The following CAMKMT variants were observed in gnomAD, a reference collection of about 807,000 sequenced individuals.
CAMKMT encodes CaM KMT.
Under a neutral mutation model 48.0 loss-of-function variants are expected in CAMKMT, and 53 were observed. That is an observed-to-expected ratio of 1.10 (90% CI 0.89 to 1.39). CAMKMT has a LOEUF of 1.39. CAMKMT is among the 40% of genes most tolerant of loss of function. The pLI is 0.00. For synonymous variants in CAMKMT, 165 were observed against 152.3 expected (o/e 1.08, Z -0.61); for missense variants, 428 against 402.7 (o/e 1.06, Z -0.54).
intron 3 of CAMKMT, among the ~76,000 whole-genome samples, chr2:44,644,310 C>T (rs575010678): frequency 8.3e-4 from 127 of 152,240 alleles, no homozygotes; most frequent in Non-Finnish European, 1.5e-3. Flanking sequence ...ACATTTTATG[C>T]CATGCTTGGA....
chr2:44,464,290 G>A (rs1475088503), intron 3 of CAMKMT, among the ~76,000 whole-genome samples: 1 of 152,156 alleles, frequency 6.6e-6, no homozygotes, highest in Non-Finnish European at 1.5e-5. Flanking sequence ...TTGAGTCAGA[G>A]TAACAACAGC....
chr2:44,535,199 A>G (rs1212230349), intron 3 of CAMKMT, among the ~76,000 whole-genome samples: 2 of 152,190 alleles, frequency 1.3e-5, no homozygotes, highest in Admixed American at 1.3e-4. Context: ...AATCAGGAAG[A>G]AATAGAAAAC....
chr2:44,596,132 TAA>T (rs766302518), intron 3 of CAMKMT, among the ~76,000 whole-genome samples: 1 of 141,116 alleles, frequency 7.1e-6, no homozygotes, highest in African/African-American at 2.6e-5. Context: ...ACTTATAATT[TAA>T]AAAAAAAAAA....
intron 3 of CAMKMT, among the ~76,000 whole-genome samples, chr2:44,404,436 G>A (rs1191729032): frequency 6.6e-6 from 1 of 151,848 alleles, no homozygotes; most frequent in Non-Finnish European, 1.5e-5. Flanking sequence ...ACATATTGGC[G>A]ATATTTTCCC....
chr2:44,669,656 C>G (rs888709175), intron 3 of CAMKMT, among the ~76,000 whole-genome samples: 2 of 151,238 alleles, frequency 1.3e-5, no homozygotes, highest in African/African-American at 4.9e-5. Context: ...TCTTTTTCTT[C>G]AGACAGGGTC....
intron 3 of CAMKMT, among the ~76,000 whole-genome samples, chr2:44,497,958 G>A (rs1669835723): frequency 6.6e-6 from 1 of 152,102 alleles, no homozygotes; most frequent in African/African-American, 2.4e-5. Context: ...GAATGTTGTG[G>A]TAGAGTAAGA....
intron 3 of CAMKMT, among the ~76,000 whole-genome samples, chr2:44,649,349 C>G (rs1466789047): frequency 6.6e-6 from 1 of 152,058 alleles, no homozygotes; most frequent in East Asian, 1.9e-4. Context: ...GATGAAAAAA[C>G]AGGGACTCTG....
chr2:44,659,552 A>G (rs998183583), intron 3 of CAMKMT, among the ~76,000 whole-genome samples: 21 of 147,188 alleles, frequency 1.4e-4, no homozygotes, highest in Non-Finnish European at 3.0e-5. Context: ...CAACATAGGG[A>G]AACCCCATCT....
At chr2:44,537,448 C>T (rs1023542639) in intron 3 of CAMKMT, among the ~76,000 whole-genome samples, 3 of 152,072 alleles carry the variant, frequency 2.0e-5, no homozygotes, top group Admixed American at 2.0e-4. Flanking sequence ...CAGGGAAATG[C>T]AAATGAAAAC....
At chr2:44,636,127 T>G (rs921687707) in intron 3 of CAMKMT, among the ~76,000 whole-genome samples, 17 of 152,236 alleles carry the variant, frequency 1.1e-4, no homozygotes, top group Non-Finnish European at 2.2e-4. Context: ...AATTACTTTT[T>G]GATTCATCCA....
chr2:44,772,315 G>T lies in CAMKMT; in HGVS notation c.*202G>T, dbSNP rs1424263348. 40 of 511,440 alleles carry T rather than the reference G, an allele frequency of 7.8e-5. No homozygotes were observed. In the East Asian group the frequency reaches 1.2e-3, roughly 16 times the overall value. The allele number at this position is 511,440 out of a possible 1,614,324, so 31.7% of individuals were successfully genotyped here. On this transcript the variant is annotated 3_prime_UTR_variant, in exon 11 of 11. Transcript: ENST00000378494. ...CCCTCCCCGCCTCTTTTTACACTCT[G>T]CTTGTTGCTCGTCCTGCCCTAAACC...
rs201729944 is a variant in CAMKMT, at chr2:44,400,928, GTGTATATATATA to G, written c.376+10625_376+10636del. The G allele has an allele frequency of 1.6e-3, 116 of 74,116 alleles. 1 individual carries two copies. Among genetic ancestry groups the G allele is most frequent in the African/African-American group, 4.5e-3 (72 of 15,888 alleles). The allele number at this position is 74,116 out of a possible 1,614,324, so 4.6% of individuals were successfully genotyped here. ...TGTATGTGCATGTATACTTATGTGT[GTGTATATATATA>G]TATATATATATATATATATATGTAT... On this transcript the variant is annotated intron_variant, in intron 3 of 10. Transcript: ENST00000378494.
chr2:44,564,996 C>A (rs554682398), intron 3 of CAMKMT, among the ~76,000 whole-genome samples: 1 of 152,164 alleles, frequency 6.6e-6, no homozygotes, highest in Non-Finnish European at 1.5e-5. Flanking sequence ...CAGGGCTATC[C>A]ACTGTTTCCT....
chr2:44,725,143 C>CATGTGTGT (rs549860357), intron 7 of CAMKMT, among the ~76,000 whole-genome samples: 4 of 140,556 alleles, frequency 2.8e-5, no homozygotes, highest in African/African-American at 1.1e-4. Context: ...GCTTTCTGGA[C>CATGTGTGT]GTGTGTGTGT....
At chr2:44,675,326 G>A (rs1281242288) in intron 3 of CAMKMT, among the ~76,000 whole-genome samples, 3 of 152,100 alleles carry the variant, frequency 2.0e-5, no homozygotes, top group Admixed American at 6.6e-5. Context: ...GTCAGATTCC[G>A]GAATCTTTAT....
At chr2:44,709,405 G>A (rs569228185) in intron 6 of CAMKMT, among the ~76,000 whole-genome samples, 1 of 152,118 alleles carries the variant, frequency 6.6e-6, no homozygotes, top group Non-Finnish European at 1.5e-5. Flanking sequence ...ATGGAGTTCC[G>A]TTTTTACCAT....
At chr2:44,756,966 A>T (rs556276770) in intron 9 of CAMKMT, among the ~76,000 whole-genome samples, 5 of 152,268 alleles carry the variant, frequency 3.3e-5, no homozygotes, top group African/African-American at 7.2e-5. Context: ...AAAAATCTGC[A>T]TACAAACCCC....
At position 44,624,434 on chromosome 2, in the gene CAMKMT, G is replaced by A. The variant is rs187315736; in HGVS notation, c.377-79849G>A. On this transcript the variant is annotated intron_variant, in intron 3 of 10. Transcript: ENST00000378494. Reference sequence around the variant, plus strand: ...GTTGGTGTGCTGCACCTATTAACTCGTCATTTAGCATTAGGTATATCTCCT... The same window carrying A: ...GTTGGTGTGCTGCACCTATTAACTCATCATTTAGCATTAGGTATATCTCCT... Among the ~76,000 whole-genome samples, 497 of 151,934 alleles carry A rather than the reference G, an allele frequency of 3.3e-3. 2 individuals are homozygous for A. The highest frequency in any genetic ancestry group is 0.011 in the African/African-American group (437 of 41,412).
In CAMKMT at chr2:44,653,393, C is replaced by G. The variant is rs990919250; in HGVS notation, c.377-50890C>G. Among the ~76,000 whole-genome samples the G allele has an allele frequency of 6.6e-6, 1 of 152,092 alleles. No homozygotes were observed. The highest frequency in any genetic ancestry group is 2.4e-5 in the African/African-American group (1 of 41,410). ...AGTGCCATTTGCTGTAAAAATCAAC[C>G]AAAAGAGAATCGCAGACTTTTAGAA... On this transcript the variant is annotated intron_variant, in intron 3 of 10. Transcript: ENST00000378494. The surrounding 1 kb of genome is among the most constrained non-coding windows in gnomAD (Gnocchi z 5.2).
Sources: allele counts gnomAD v4.1 joint callset (sites outside exome capture counted in the v4.1 genomes callset), GRCh38; gene constraint gnomAD v4.1.1; non-coding constraint Gnocchi (gnomAD v3.1); transcripts MANE v1.5; gene names NCBI Gene and HGNC (gene_info 2026-07-23, HGNC 2026-07-21).